The following TPR variants were observed in gnomAD, a reference collection of about 807,000 sequenced individuals.
TPR encodes the protein translocated promoter region, nuclear basket protein, also known as nucleoprotein TPR.
Under a neutral mutation model 316.1 loss-of-function variants are expected in TPR, and 51 were observed. The observed-to-expected ratio is 0.16, with a 90% confidence interval of 0.13 to 0.20. TPR has a LOEUF of 0.20. Ranked by LOEUF, TPR falls within the 10% of genes least tolerant of loss-of-function variation. The probability of loss-of-function intolerance (pLI) is 1.00; values close to 1 mark genes in which losing one functional copy is unlikely to be tolerated. For missense variants in TPR, 2,272 were observed against 2,754.8 expected (o/e 0.82, Z 3.92); for synonymous variants, 981 against 914.7 (o/e 1.07, Z -1.31).
In TPR at chr1:186,336,668, T is replaced by C. The variant is rs1261130446; in HGVS notation, c.4533A>G (p.Ala1511=). The C allele has an allele frequency of 5.0e-6, 8 of 1,613,472 alleles. No individual in the cohort carries two copies. Among genetic ancestry groups the C allele is most frequent in the African/African-American group, 1.3e-5 (1 of 74,928 alleles). The part of the protein sequence containing the change: ...QKTLSEKETE[A]RNLQEQTVQL... ...GCACAGTCTGTTCCTGGAGATTTCTTGCTTCTGTCTCTTTTTCAGATAATG... is the reference window on the plus strand; with the variant it reads ...GCACAGTCTGTTCCTGGAGATTTCTCGCTTCTGTCTCTTTTTCAGATAATG... The change falls in exon 33 of 51, where the codon GCA becomes GCG. Residue 1511 remains alanine, a synonymous_variant. Transcript: ENST00000367478.
At position 186,336,504 on chromosome 1, in the gene TPR, T is replaced by A. The variant is rs1571613474; in HGVS notation, c.4697A>T (p.His1566Leu). 1.2e-6 allele frequency: 2 copies of A among 1,613,716 alleles called. No homozygotes were observed. Among genetic ancestry groups the A allele is most frequent in the East Asian group, 4.5e-5 (2 of 44,870 alleles). ...AIVAAKSKIA[H>L]LAGVKDQLTK... The stretch of plus-strand genomic sequence containing the variant: ...TTTAAACAGATATTTACCAGCTAAG[T>A]GTGCAATTTTTGACTTTGCTGCTAC... The change falls in exon 33 of 51, where the codon CAC becomes CTC. Residue 1566 changes from histidine (H) to leucine (L), a missense_variant. Around this residue, in one of 10 missense-constraint regions of TPR, gnomAD observed 109 missense variants for 215.3 expected, o/e 0.51. Coordinates refer to ENST00000367478, the MANE Select transcript of TPR (RefSeq NM_003292.3).
chr1:186,369,906 T>C (rs933351412), intron 3 of TPR, among the ~76,000 whole-genome samples: 1 of 152,096 alleles, frequency 6.6e-6, no homozygotes, highest in African/African-American at 2.4e-5. Flanking sequence ...TCATAGTTTT[T>C]TTTTTCTGAA....
chr1:186,363,069 T>C (rs1659242787), intron 5 of TPR, 68 bp from the exon 6 acceptor site: 1 of 1,491,618 alleles, frequency 6.7e-7, no homozygotes, highest in Non-Finnish European at 8.9e-7. Context: ...AGATTTTGTC[T>C]GTAGCTAAGG....
chr1:186,374,728 G>A (rs1659652905), intron 1 of TPR, 150 bp downstream of exon 1: 2 of 758,388 alleles, frequency 2.6e-6, no homozygotes, highest in Non-Finnish European at 4.0e-6. Flanking sequence ...CAAACTGTAA[G>A]GAGCAGGAAA....
chr1:186,332,405 T>C (rs777633091), intron 37 of TPR, 62 bp from the exon 38 acceptor site: 2 of 1,564,192 alleles, frequency 1.3e-6, no homozygotes, highest in East Asian at 2.3e-5. Flanking sequence ...ATAAAGATAG[T>C]TTACCCAATA....
At chr1:186,327,391 G>C in intron 40 of TPR, 69 bp downstream of exon 40, 1 of 1,478,898 alleles carries the variant, frequency 6.8e-7, no homozygotes, top group Non-Finnish European at 9.2e-7. Flanking sequence ...CAATGCATTA[G>C]TATCCCAAGG....
chr1:186,336,358 T>C, intron 33 of TPR, 138 bp downstream of exon 33: 3 of 748,488 alleles, frequency 4.0e-6, no homozygotes, highest in Non-Finnish European at 6.5e-6. Flanking sequence ...AACTAATTAT[T>C]CCTAATATTT....
chr1:186,316,679 T>C (rs1276568026), intron 49 of TPR, among the ~76,000 whole-genome samples: 1 of 152,250 alleles, frequency 6.6e-6, no homozygotes, highest in Non-Finnish European at 1.5e-5. Flanking sequence ...ACTTCTTCAG[T>C]GTAATCGTTG....
intron 50 of TPR, 155 bp from the exon 51 acceptor site, chr1:186,314,181 T>A: frequency 1.6e-6 from 1 of 616,608 alleles, no homozygotes; most frequent in Non-Finnish European, 2.7e-6. Flanking sequence ...TACAAGCAGA[T>A]TAATCCCTCT....
chr1:186,339,121 A>G (rs1658426122), intron 30 of TPR, among the ~76,000 whole-genome samples: 1 of 152,092 alleles, frequency 6.6e-6, no homozygotes, highest in South Asian at 2.1e-4. Flanking sequence ...TTCATGTGAG[A>G]AAAAATTAGA....
rs1280560858 is a variant in TPR, at chr1:186,341,282, T to C, written c.3858A>G (p.Leu1286=). ...NKMLREEKER[L]EQDLQQMQAK... is the part of the protein sequence containing the mutation. The stretch of plus-strand genomic sequence containing the variant: ...CTTGCATTTGCTGTAGATCCTGTTC[T>C]AGTCTCTCCTTCTCTTCTCTTAGCA... Residue 1286 remains leucine (L), a synonymous_variant, in exon 28 of 51, where the codon CTA becomes CTG. Transcript: ENST00000367478. 1.2e-6 allele frequency: 2 copies of C among 1,613,978 alleles called. No homozygotes were observed. Among genetic ancestry groups the C allele is most frequent in the Non-Finnish European group, 1.7e-6 (2 of 1,180,028 alleles).
chr1:186,334,131 G>T (rs1330819946), intron 36 of TPR, among the ~76,000 whole-genome samples, 194 bp downstream of exon 36: 2 of 152,126 alleles, frequency 1.3e-5, no homozygotes, highest in African/African-American at 4.8e-5. Flanking sequence ...TTCCAAAGTG[G>T]ATTTCATATA....
At position 186,313,038 on chromosome 1, in the gene TPR, A is replaced by C. The variant is rs1483677763; in HGVS notation, c.*933T>G. The C allele has an allele frequency of 1.1e-6, 1 of 879,580 alleles. No homozygotes were observed. Among genetic ancestry groups the C allele is most frequent in the Admixed American group, 2.2e-5 (1 of 45,550 alleles). The allele number at this position is 879,580 out of a possible 1,614,324, so 54.5% of individuals were successfully genotyped here. ...TTCTAATTGCTGTGGAAAAGAGTTA[A>C]GACTTTTGCTTTAATTTCAATTAAA... On this transcript the variant is annotated 3_prime_UTR_variant, in exon 51 of 51. Transcript: ENST00000367478.
chr1:186,352,014 C>T lies in TPR; in HGVS notation c.2431G>A (p.Gly811Arg). The change falls in exon 19 of 51, where the codon GGG becomes AGG. Residue 811 changes from glycine to arginine, a missense_variant. By Grantham distance (125) the Gly-to-Arg change is moderately radical (BLOSUM62 -2). This residue lies in a region of TPR where 757 missense variants were observed against 859.8 expected (regional missense o/e 0.88). Coordinates refer to ENST00000367478, the MANE Select transcript of TPR (RefSeq NM_003292.3). ...QRESLLAEQR[G>R]QNLLLTNLQT... is the part of the protein sequence containing the mutation. ...AGATTAGTTAGCAGTAAGTTTTGCCCCCTTTGTTCAGCTAACAAAGACTCT... is the reference window on the plus strand; with the variant it reads ...AGATTAGTTAGCAGTAAGTTTTGCCTCCTTTGTTCAGCTAACAAAGACTCT... 1 of 1,606,668 alleles carries T rather than the reference C, an allele frequency of 6.2e-7. No homozygotes were observed. Among genetic ancestry groups the T allele is most frequent in the Non-Finnish European group, 8.5e-7 (1 of 1,177,216 alleles).
intron 32 of TPR, 93 bp downstream of exon 32, chr1:186,336,920 C>T: frequency 2.6e-6 from 4 of 1,553,514 alleles, no homozygotes; most frequent in Non-Finnish European, 3.5e-6. Context: ...GTATCCATTC[C>T]CACATGGTAA....
In TPR at chr1:186,343,537, G is replaced by A. The variant is rs533574048; in HGVS notation, c.3603-64C>T. The A allele has an allele frequency of 2.2e-5, 32 of 1,480,216 alleles. No individual in the cohort carries two copies. The Admixed American group carries it at 4.1e-4, about 19-fold the overall frequency. The allele number at this position is 1,480,216 out of a possible 1,614,324, so 91.7% of individuals were successfully genotyped here. On this transcript the variant is annotated intron_variant, in intron 26 of 50. Coordinates refer to ENST00000367478, the MANE Select transcript of TPR (RefSeq NM_003292.3). ...AAAAAGCCAACATTACAAAACGTAG[G>A]TAATTTGGTAAGATGACAAAAATCA...
At chr1:186,361,230 T>C (rs1039295185) in intron 9 of TPR, among the ~76,000 whole-genome samples, 3 of 151,824 alleles carry the variant, frequency 2.0e-5, no homozygotes, top group Non-Finnish European at 4.4e-5. Flanking sequence ...ATAAATATAA[T>C]ACATTGAAAA....
Position 186,338,068 on chromosome 1 carries a change from T to C in TPR, c.4327A>G (p.Thr1443Ala), listed in dbSNP as rs747042952. 3 of 1,611,974 alleles carry C rather than the reference T, an allele frequency of 1.9e-6. No homozygotes were observed. The Admixed American group carries it at 5.0e-5, about 27-fold the overall frequency. ...TGTGCTTTAAGTTCTTCATATTGAG[T>C]CTTGTACCTACGTCCAATTTTCTTA... ...QVKKIGRRYK[T>A]QYEELKAQQD... The change falls in exon 31 of 51, where the codon ACT (threonine) becomes GCT (alanine). Residue 1443 changes from threonine (T) to alanine (A), a missense_variant. This residue lies in a region of TPR where 101 missense variants were observed against 113.0 expected (regional missense o/e 0.89). Transcript: ENST00000367478.
intron 29 of TPR, among the ~76,000 whole-genome samples, chr1:186,340,526 G>T (rs1258829459): frequency 6.6e-6 from 1 of 151,774 alleles, no homozygotes; most frequent in African/African-American, 2.4e-5. Context: ...CGACCTCCTG[G>T]GCTCAAGTAA....
Sources: gnomAD v4.1 joint callset for allele counts (sites outside exome capture counted in the v4.1 genomes callset) on GRCh38, gnomAD v4.1.1 for gene constraint, gnomAD v4.1.1 regional missense constraint, MANE v1.5 for transcripts, NCBI Gene and HGNC (gene_info 2026-07-23, HGNC 2026-07-21) for gene names.